PDE1C: variants seen among roughly 807,000 people sequenced by gnomAD.
PDE1C encodes dual specificity calcium/calmodulin-dependent 3',5'-cyclic nucleotide phosphodiesterase 1C.
Under a neutral mutation model 93.1 loss-of-function variants are expected in PDE1C, and 62 were observed. That is an observed-to-expected ratio of 0.67 (90% CI 0.54 to 0.82). The LOEUF (loss-of-function observed/expected upper bound fraction) is 0.82. Ranked by LOEUF, PDE1C falls within the 40% of genes least tolerant of loss-of-function variation. The pLI, the probability that PDE1C is intolerant of heterozygous loss-of-function variation, is 0.00. For missense variants in PDE1C, 742 were observed against 884.6 expected (o/e 0.84, Z 2.04); for synonymous variants, 325 against 310.1 (o/e 1.05, Z -0.50).
chr7:31,994,191 T>G (rs145275626), intron 2 of PDE1C, among the ~76,000 whole-genome samples: 1 of 152,312 alleles, frequency 6.6e-6, no homozygotes, highest in African/African-American at 2.4e-5. Flanking sequence ...CCTGATATGC[T>G]ATATCTAATT....
At chr7:31,735,858 C>A in the PDE1C span, among the ~76,000 whole-genome samples, 5 of 152,204 alleles carry the variant, frequency 3.3e-5, no homozygotes, top group African/African-American at 1.2e-4. Flanking sequence ...GGTTTCAGGA[C>A]CTCCTCCTCA....
At chr7:31,737,699 G>T in the PDE1C span, among the ~76,000 whole-genome samples, 2 of 151,378 alleles carry the variant, frequency 1.3e-5, no homozygotes, top group East Asian at 3.9e-4. Context: ...CTACTCGGGA[G>T]GCCAAGGCAG....
intron 1 of PDE1C, among the ~76,000 whole-genome samples, chr7:32,313,907 TAATAAAATAA>T (rs933295661): frequency 6.6e-6 from 1 of 151,672 alleles, no homozygotes; most frequent in African/African-American, 2.4e-5. Flanking sequence ...AGTATAATAA[TAATAAAATAA>T]AATAAAATAA....
intron 1 of PDE1C, among the ~76,000 whole-genome samples, chr7:32,338,954 G>T (rs1423113830): frequency 6.6e-6 from 1 of 151,786 alleles, no homozygotes; most frequent in East Asian, 1.9e-4. Flanking sequence ...AGTGACCCGA[G>T]ATCGTGCCAC....
At chr7:31,651,796 G>T in the PDE1C span, 1 of 551,442 alleles carries the variant, frequency 1.8e-6, no homozygotes, top group Admixed American at 3.1e-5. Context: ...GACAACCTTA[G>T]TAATGTCTCC....
rs560782066 is a variant in PDE1C, at chr7:31,941,992, A to G, written c.129-61132T>C. 3.3e-5 allele frequency among the ~76,000 whole-genome samples: 5 copies of G among 152,336 alleles called. No individual in the cohort carries two copies. In the South Asian group the frequency reaches 1.0e-3, roughly 32 times the overall value. On this transcript the variant is annotated intron_variant, in intron 2 of 17. Transcript: ENST00000396191. Reference sequence around the variant, plus strand: ...GCAAAAGATGCACAAAACAAAGGATAATACTTCTAACAACACCATAAATGA... The same window carrying G: ...GCAAAAGATGCACAAAACAAAGGATGATACTTCTAACAACACCATAAATGA...
the PDE1C span, chr7:31,707,429 T>C: frequency 1.6e-6 from 1 of 625,866 alleles, no homozygotes; most frequent in Non-Finnish European, 2.8e-6. Flanking sequence ...ATGTATGCCA[T>C]CAAATTGCCA....
intron 2 of PDE1C, among the ~76,000 whole-genome samples, chr7:31,910,608 A>G (rs189412278): frequency 8.7e-4 from 133 of 152,350 alleles, no homozygotes; most frequent in African/African-American, 3.1e-3. Flanking sequence ...ATTCAAGAAT[A>G]CATCTGTTCT....
intron 2 of PDE1C, among the ~76,000 whole-genome samples, chr7:32,206,683 T>G (rs1805569726): frequency 6.6e-6 from 1 of 152,166 alleles, no homozygotes; most frequent in South Asian, 2.1e-4. Flanking sequence ...CCATGTGAGG[T>G]GCCCACCATG....
At chr7:32,162,403 A>T (rs549746775) in intron 3 of PDE1C, among the ~76,000 whole-genome samples, 5 of 152,304 alleles carry the variant, frequency 3.3e-5, no homozygotes, top group Non-Finnish European at 7.4e-5. Context: ...TCCTCCTAGA[A>T]GCAGATGTCA....
chr7:32,115,540 C>G (rs1262634172), intron 3 of PDE1C, among the ~76,000 whole-genome samples: 2 of 151,996 alleles, frequency 1.3e-5, no homozygotes, highest in Non-Finnish European at 2.9e-5. Context: ...ACCTAGATGA[C>G]TGATTAATAG....
At position 32,333,629 on chromosome 7, in the gene PDE1C, A is replaced by G. The variant is rs115254519; in HGVS notation, c.310+94193T>C. On this transcript the variant is annotated intron_variant, in intron 1 of 1. Coordinates refer to the PDE1C transcript ENST00000672256. ...ACACGCTTTAACCCACCGTTTATCTATGTACTCCTCCACAATTGATTTAGC... is the reference window on the plus strand; with the variant it reads ...ACACGCTTTAACCCACCGTTTATCTGTGTACTCCTCCACAATTGATTTAGC... 1.3e-3 allele frequency among the ~76,000 whole-genome samples: 204 copies of G among 152,284 alleles called. 1 individual carries two copies. The highest frequency in any genetic ancestry group is 4.7e-3 in the African/African-American group (196 of 41,550).
intron 1 of PDE1C, among the ~76,000 whole-genome samples, chr7:32,335,154 AT>A (rs1184911899): frequency 1.3e-5 from 2 of 152,174 alleles, no homozygotes; most frequent in African/African-American, 2.4e-5. Context: ...CCTGAACAGT[AT>A]TTTCTCAAAC....
At chr7:32,334,915 T>G (rs900136918) in intron 1 of PDE1C, among the ~76,000 whole-genome samples, 7 of 152,162 alleles carry the variant, frequency 4.6e-5, no homozygotes, top group African/African-American at 1.4e-4. Flanking sequence ...ACCATAAATA[T>G]ATACTACTTT....
intron 1 of PDE1C, among the ~76,000 whole-genome samples, chr7:32,355,614 G>A (rs749430658): frequency 6.6e-6 from 1 of 152,092 alleles, no homozygotes; most frequent in African/African-American, 2.4e-5. Flanking sequence ...TACTCTCTCA[G>A]CATTCCCTCC....
intron 3 of PDE1C, among the ~76,000 whole-genome samples, chr7:32,136,558 T>C (rs1800223547): frequency 6.6e-6 from 1 of 152,186 alleles, no homozygotes; most frequent in Non-Finnish European, 1.5e-5. Flanking sequence ...AAATACCCAA[T>C]AAATATTTGC....
At chr7:31,685,874 C>T in the PDE1C span, among the ~76,000 whole-genome samples, 2 of 152,144 alleles carry the variant, frequency 1.3e-5, no homozygotes, top group Admixed American at 1.3e-4. Flanking sequence ...TAAGGATCAA[C>T]ACAAAATGGA....
At chr7:32,050,163 T>C (rs2128684047) in intron 2 of PDE1C, among the ~76,000 whole-genome samples, 1 of 152,330 alleles carries the variant, frequency 6.6e-6, no homozygotes, top group East Asian at 1.9e-4. Flanking sequence ...AATAGGAATT[T>C]TTTAGCACCA....
the PDE1C span, among the ~76,000 whole-genome samples, chr7:31,620,085 A>G: frequency 6.6e-6 from 1 of 152,212 alleles, no homozygotes; most frequent in Non-Finnish European, 1.5e-5. Context: ...AGGCTTGATT[A>G]GGTAAACAAA....
Sources: gnomAD v4.1 joint callset for allele counts (sites outside exome capture counted in the v4.1 genomes callset) on GRCh38, gnomAD v4.1.1 for gene constraint, MANE v1.5 for transcripts, NCBI Gene and HGNC (gene_info 2026-07-23, HGNC 2026-07-21) for gene names.